SLC46A2: variants seen among roughly 807,000 people sequenced by gnomAD.
SLC46A2 encodes the protein thymic stromal co-transporter.
A neutral mutation model predicts 33.1 loss-of-function variants in SLC46A2; 25 were observed. That is an observed-to-expected ratio of 0.76 (90% CI 0.55 to 1.06). The LOEUF (loss-of-function observed/expected upper bound fraction) is 1.06, where lower values mean the gene tolerates loss of function less well. Ranked by LOEUF, SLC46A2 falls within the 50% of genes least tolerant of loss-of-function variation. The probability of loss-of-function intolerance (pLI) is 0.00; values close to 1 mark genes in which losing one functional copy is unlikely to be tolerated. For synonymous variants in SLC46A2, 254 were observed against 275.9 expected (o/e 0.92, Z 0.79); for missense variants, 622 against 621.7 (o/e 1.00, Z 0.00).
rs1382785308 is a variant in SLC46A2, at chr9:112,879,219, CT to C, written c.*542del. ...AGGAAGACTCAGGAAAGAAAGCTGA[CT>C]TTTTTCAAGGTTTTATTTTAATTTA... is the stretch of plus-strand genomic sequence containing the variant. On this transcript the variant is annotated 3_prime_UTR_variant, in exon 4 of 4. Transcript: ENST00000374228. The C allele has an allele frequency of 1.3e-5, 2 of 152,368 alleles. No individual in the cohort carries two copies. Among genetic ancestry groups the C allele is most frequent in the East Asian group, 1.9e-4 (1 of 5,200 alleles). 9.4% of individuals were successfully genotyped at this position (152,368 alleles called of 1,614,324 possible).
chr9:112,883,375 C>T lies in SLC46A2; in HGVS notation c.1370+3085G>A, dbSNP rs1841605477. 2.6e-5 allele frequency among the ~76,000 whole-genome samples: 4 copies of T among 152,256 alleles called. No individual in the cohort carries two copies. In the South Asian group the frequency reaches 8.3e-4, roughly 32 times the overall value. ...CAATGCATGTAGTGGATGGGAAAGA[C>T]AGTCTGGCTTCCTTCAAATCCTGTC... is the stretch of plus-strand genomic sequence containing the variant. On this transcript the variant is annotated intron_variant, in intron 3 of 3. Coordinates refer to ENST00000374228, the MANE Select transcript of SLC46A2 (RefSeq NM_033051.4).
At position 112,889,685 on chromosome 9, in the gene SLC46A2, T is replaced by C; in HGVS notation, c.997A>G (p.Thr333Ala). The C allele has an allele frequency of 6.2e-7, 1 of 1,614,004 alleles. No individual in the cohort carries two copies. Among genetic ancestry groups the C allele is most frequent in the Non-Finnish European group, 8.5e-7 (1 of 1,179,962 alleles). ...AAGACCAGGACACCCAGGAAGCTGG[T>C]GATGAAGATGGTGTACCCTGCAGCC... is the stretch of plus-strand genomic sequence containing the variant. ...GMAAGYTIFI[T>A]SFLGVLVFSR... The change falls in exon 1 of 4, where the codon ACC (threonine) becomes GCC (alanine). Residue 333 changes from threonine to alanine, a missense_variant. Transcript: ENST00000374228.
At chr9:112,881,957 G>T (rs1841582695) in intron 3 of SLC46A2, among the ~76,000 whole-genome samples, 1 of 152,184 alleles carries the variant, frequency 6.6e-6, no homozygotes, top group Admixed American at 6.5e-5. Context: ...AGTTGTGGAT[G>T]GAGAAGGGAG....
At chr9:112,887,544 T>C in intron 1 of SLC46A2, 131 bp from the exon 2 acceptor site, 2 of 761,146 alleles carry the variant, frequency 2.6e-6, no homozygotes, top group South Asian at 4.2e-5. Context: ...GGAAGTCATT[T>C]CTCTGCTGGC....
chr9:112,888,585 A>G (rs1841676394), intron 1 of SLC46A2, among the ~76,000 whole-genome samples: 1 of 152,240 alleles, frequency 6.6e-6, no homozygotes, highest in African/African-American at 2.4e-5. Context: ...ACGGCTCAAT[A>G]GCCACATGGA....
chr9:112,886,717 ACTCT>A (rs755827609), intron 2 of SLC46A2, 101 bp from the exon 3 acceptor site: 833 of 1,125,516 alleles, frequency 7.4e-4, no homozygotes, highest in Non-Finnish European at 9.3e-4. Flanking sequence ...CTTCCTTCTT[ACTCT>A]CTCTCTCTCT....
chr9:112,884,802 A>G (rs1483811913), intron 3 of SLC46A2, among the ~76,000 whole-genome samples: 1 of 152,004 alleles, frequency 6.6e-6, no homozygotes, highest in Non-Finnish European at 1.5e-5. Context: ...AACTAGTAAG[A>G]CTCCTTTCCT....
At position 112,879,627 on chromosome 9, in the gene SLC46A2, T is replaced by C. The variant is rs1841553192; in HGVS notation, c.*135A>G. 1.3e-6 allele frequency: 1 copy of C among 758,184 alleles called. No homozygotes were observed. The highest frequency in any genetic ancestry group is 1.7e-5 in the African/African-American group (1 of 57,558). The allele number at this position is 758,184 out of a possible 1,614,324, so 47.0% of individuals were successfully genotyped here. ...GGATCCCTGAGCCAGAGCAGGTCAT[T>C]CTGAGGCCAACTCTGGCTGGAACGC... On this transcript the variant is annotated 3_prime_UTR_variant, in exon 4 of 4. Transcript: ENST00000374228.
intron 2 of SLC46A2, among the ~76,000 whole-genome samples, chr9:112,886,932 T>G (rs1259082735): frequency 2.6e-5 from 4 of 152,136 alleles, no homozygotes; most frequent in African/African-American, 9.7e-5. Context: ...TCTCACTATG[T>G]TGTCCAGGCT....
chr9:112,887,509 C>T (rs1841657762), intron 1 of SLC46A2, 96 bp from the exon 2 acceptor site: 2 of 1,123,246 alleles, frequency 1.8e-6, no homozygotes, highest in Non-Finnish European at 2.5e-6. Flanking sequence ...CATCTCCCCA[C>T]AATCCGAATG....
At chr9:112,881,701 G>T (rs1841579630) in intron 3 of SLC46A2, 1 of 152,244 alleles carries the variant, frequency 6.6e-6, no homozygotes, top group Admixed American at 6.5e-5. Context: ...GATCTGTGCT[G>T]AACACAGAAG....
intron 3 of SLC46A2, among the ~76,000 whole-genome samples, chr9:112,883,886 A>G (rs111493002): frequency 0.012 from 1,893 of 152,088 alleles, 34 homozygotes; most frequent in African/African-American, 0.043. Context: ...TATTGGAGAC[A>G]TGGTTTCACT....
chr9:112,886,242 C>G (rs1233916601), intron 3 of SLC46A2, among the ~76,000 whole-genome samples: 3 of 152,200 alleles, frequency 2.0e-5, no homozygotes. Context: ...GCCTAATGAC[C>G]CTGTTTCTTA....
At chr9:112,885,824 T>C (rs1034058895) in intron 3 of SLC46A2, 2 of 152,230 alleles carry the variant, frequency 1.3e-5, no homozygotes, top group Non-Finnish European at 2.9e-5. Context: ...ACACATGGCT[T>C]GCATTTGTGG....
intron 1 of SLC46A2, among the ~76,000 whole-genome samples, chr9:112,887,948 A>T (rs62577671): frequency 0.16 from 20,663 of 132,982 alleles, 1,504 homozygotes; most frequent in African/African-American, 0.26. Flanking sequence ...TGTGTGTGTG[A>T]GAGAGAGAGA....
Position 112,889,636 on chromosome 9 carries a change from G to A in SLC46A2, c.1046C>T (p.Thr349Ile), listed in dbSNP as rs976237620. 3.7e-6 allele frequency: 6 copies of A among 1,614,132 alleles called. No homozygotes were observed. Among genetic ancestry groups the A allele is most frequent in the Non-Finnish European group, 5.1e-6 (6 of 1,180,022 alleles). The change falls in exon 1 of 4, where the codon ACC becomes ATC. Residue 349 changes from threonine to isoleucine, a missense_variant. Thr to Ile is a moderately conservative substitution (Grantham distance 89). Transcript: ENST00000374228. The part of the protein sequence containing the change: ...LVFSRCFRDT[T>I]MIMIGMVSFG... ...GGAGACCATCCCAATCATGATCATGGTGGTGTCCCGAAAGCAGCGGGAGAA... is the reference window on the plus strand; with the variant it reads ...GGAGACCATCCCAATCATGATCATGATGGTGTCCCGAAAGCAGCGGGAGAA...
chr9:112,886,944 G>C (rs1194293073), intron 2 of SLC46A2, among the ~76,000 whole-genome samples: 1 of 152,062 alleles, frequency 6.6e-6, no homozygotes, highest in African/African-American at 2.4e-5. Context: ...GTCCAGGCTG[G>C]TCTTGAACTC....
rs12001817 is a variant in SLC46A2 at position 112,883,974 on chromosome 9, C to T, written c.1370+2486G>A. Among the ~76,000 whole-genome samples the T allele has an allele frequency of 9.4e-3, 1,428 of 152,296 alleles. 23 individuals carry two copies. The highest frequency in any genetic ancestry group is 0.03 in the African/African-American group (1,234 of 41,538). On this transcript the variant is annotated intron_variant, in intron 3 of 3. Coordinates refer to ENST00000374228, the MANE Select transcript of SLC46A2 (RefSeq NM_033051.4). ...CCTCCCAAAGTGCTGGGATTACAGG[C>T]ATGAGCCATCGTGCCCAGCCTGGCT...
At chr9:112,884,747 TC>T (rs1197340527) in intron 3 of SLC46A2, among the ~76,000 whole-genome samples, 1 of 152,242 alleles carries the variant, frequency 6.6e-6, no homozygotes, top group Non-Finnish European at 1.5e-5. Context: ...ACTTGTATCT[TC>T]CCATTGCTTT....
Sources: allele counts gnomAD v4.1 joint callset (sites outside exome capture counted in the v4.1 genomes callset), GRCh38; gene constraint gnomAD v4.1.1; transcripts MANE v1.5; gene names NCBI Gene and HGNC (gene_info 2026-07-23, HGNC 2026-07-21).